Variants in OSBPL5 observed in about 807,000 individuals in gnomAD.
OSBPL5 encodes the protein oxysterol-binding protein-related protein 5.
Under a neutral mutation model 111.2 loss-of-function variants are expected in OSBPL5, and 71 were observed. The ratio of observed to expected loss-of-function variants is 0.64; its 90% CI spans 0.53 to 0.78. OSBPL5 has a LOEUF of 0.78. Among genes scored for constraint, OSBPL5 ranks in the 30% least tolerant of loss-of-function variants. The pLI is 0.00. For synonymous variants in OSBPL5, 549 were observed against 513.9 expected, an observed-to-expected ratio of 1.07 and a Z score of -0.93; for missense variants, 1,210 against 1,189.3, an observed-to-expected ratio of 1.02 and a Z score of -0.26.
chr11:3,149,829 T>C (rs1456596725), intron 1 of OSBPL5, among the ~76,000 whole-genome samples: 2 of 152,244 alleles, frequency 1.3e-5, no homozygotes, highest in Non-Finnish European at 2.9e-5. Flanking sequence ...CTGTGGCTGC[T>C]GGTGAGTGTT....
chr11:3,164,873 G>C (rs181373986), intron 1 of OSBPL5, among the ~76,000 whole-genome samples: 3,016 of 152,234 alleles, frequency 0.02, 77 homozygotes, highest in Non-Finnish European at 0.023. Context: ...GGCGGTCCCG[G>C]CTCCTTTAAG....
chr11:3,160,421 C>T (rs1030253931), intron 1 of OSBPL5, among the ~76,000 whole-genome samples: 1 of 152,166 alleles, frequency 6.6e-6, no homozygotes, highest in Non-Finnish European at 1.5e-5. Flanking sequence ...GCCCTTTAAG[C>T]GACCCACACT....
At chr11:3,097,690 A>G (rs1857321561) in intron 14 of OSBPL5, among the ~76,000 whole-genome samples, 2 of 152,232 alleles carry the variant, frequency 1.3e-5, no homozygotes, top group Admixed American at 1.3e-4. Context: ...TAGAGATGAT[A>G]AAACAACTGT....
At chr11:3,125,815 A>T (rs1177435949) in intron 3 of OSBPL5, among the ~76,000 whole-genome samples, 1 of 136,944 alleles carries the variant, frequency 7.3e-6, no homozygotes, top group African/African-American at 2.8e-5. Flanking sequence ...AAAAAAAAAA[A>T]AAAAAAAATA....
intron 1 of OSBPL5, among the ~76,000 whole-genome samples, chr11:3,159,226 C>T (rs555157853): frequency 1.6e-3 from 243 of 152,192 alleles, no homozygotes; most frequent in Middle Eastern, 0.01. Context: ...TTGAGGCGGG[C>T]GCGGGGAAGA....
At chr11:3,112,016 T>C (rs1442209920) in intron 7 of OSBPL5, among the ~76,000 whole-genome samples, 5 of 79,178 alleles carry the variant, frequency 6.3e-5, no homozygotes, top group Admixed American at 1.7e-4. Flanking sequence ...TGTGCGCGCA[T>C]GTGTGTGCAT....
intron 7 of OSBPL5, among the ~76,000 whole-genome samples, chr11:3,112,473 C>CTTTTTTTTTTT (rs556463241): frequency 2.1e-5 from 1 of 48,622 alleles, no homozygotes. Context: ...TTTGTGTTTT[C>CTTTTTTTTTTT]TTTTCTTTTT....
chr11:3,139,011 C>T (rs529382643), intron 1 of OSBPL5, among the ~76,000 whole-genome samples: 2 of 152,344 alleles, frequency 1.3e-5, no homozygotes, highest in East Asian at 3.9e-4. Context: ...TCCAGGGGCA[C>T]CTGAGCTCCA....
At chr11:3,148,482 G>A (rs940327044) in intron 1 of OSBPL5, among the ~76,000 whole-genome samples, 8 of 152,254 alleles carry the variant, frequency 5.3e-5, no homozygotes, top group Non-Finnish European at 1.0e-4. Flanking sequence ...AGAGGTCACA[G>A]AAGAGAGAGG....
At chr11:3,103,894 GCCTC>G (rs1857602533) in intron 10 of OSBPL5, among the ~76,000 whole-genome samples, 1 of 104,484 alleles carries the variant, frequency 9.6e-6, no homozygotes, top group Non-Finnish European at 1.9e-5. Flanking sequence ...CCCCATTCCT[GCCTC>G]TGCAGCCCCC....
intron 1 of OSBPL5, among the ~76,000 whole-genome samples, chr11:3,157,294 C>G (rs997012964): frequency 6.6e-6 from 1 of 152,164 alleles, no homozygotes; most frequent in Non-Finnish European, 1.5e-5. Flanking sequence ...AGACCCTGAC[C>G]CGTAAAAGGA....
chr11:3,094,865 GTCTT>G (rs1351443955), intron 14 of OSBPL5: 1 of 152,078 alleles, frequency 6.6e-6, no homozygotes, highest in Non-Finnish European at 1.5e-5. Context: ...AAATTAATAC[GTCTT>G]TCTTTGTTTT....
chr11:3,114,120 T>C (rs1858114781), intron 7 of OSBPL5, among the ~76,000 whole-genome samples: 1 of 152,202 alleles, frequency 6.6e-6, no homozygotes, highest in African/African-American at 2.4e-5. Flanking sequence ...CCAATAAAAA[T>C]ATATTTGTAG....
At chr11:3,128,951 C>G in intron 2 of OSBPL5, 62 bp downstream of exon 2, 1 of 1,400,850 alleles carries the variant, frequency 7.1e-7, no homozygotes, top group South Asian at 1.6e-5. Context: ...TTGGGCCGCC[C>G]GGGGTCACCC....
intron 11 of OSBPL5, among the ~76,000 whole-genome samples, chr11:3,102,650 C>T (rs1857498096): frequency 6.7e-6 from 1 of 149,256 alleles, no homozygotes; most frequent in South Asian, 2.1e-4. Context: ...ACCTGCTGTA[C>T]GACTCAGGCC....
At chr11:3,155,114 G>A (rs899413332) in intron 1 of OSBPL5, among the ~76,000 whole-genome samples, 1 of 152,168 alleles carries the variant, frequency 6.6e-6, no homozygotes, top group African/African-American at 2.4e-5. Flanking sequence ...AACCAGCCCT[G>A]AAAGGCCTCG....
At chr11:3,116,854 C>CAAAAAA (rs371907970) in intron 7 of OSBPL5, among the ~76,000 whole-genome samples, 13,385 of 74,614 alleles carry the variant, frequency 0.18, 803 homozygotes, top group East Asian at 0.28. Flanking sequence ...GACTCCATCA[C>CAAAAAA]AAAAAAAAAA....
intron 1 of OSBPL5, among the ~76,000 whole-genome samples, chr11:3,152,260 A>G (rs908612827): frequency 3.9e-5 from 6 of 152,208 alleles, no homozygotes; most frequent in African/African-American, 1.4e-4. Context: ...TTTCATAGTT[A>G]CCTGCAGTTT....
intron 14 of OSBPL5, among the ~76,000 whole-genome samples, chr11:3,095,310 CAAA>C (rs60973769): frequency 6.6e-4 from 70 of 105,678 alleles, no homozygotes; most frequent in Non-Finnish European, 6.6e-4. Flanking sequence ...GACTCTGTCT[CAAA>C]AAAAAAAAAA....
Sources: gnomAD v4.1 joint callset for allele counts (sites outside exome capture counted in the v4.1 genomes callset) on GRCh38, gnomAD v4.1.1 for gene constraint, MANE v1.5 for transcripts, NCBI Gene and HGNC (gene_info 2026-07-23, HGNC 2026-07-21) for gene names.